The following TBC1D8 variants were observed in gnomAD, a reference collection of about 807,000 sequenced individuals.
TBC1D8 encodes the protein TBC1 domain family member 8.
A neutral mutation model predicts 118.8 loss-of-function variants in TBC1D8; 65 were observed. The observed-to-expected ratio is 0.55, with a 90% CI of 0.45 to 0.67. The LOEUF (loss-of-function observed/expected upper bound fraction) is 0.67, where lower values mean the gene tolerates loss of function less well. Among genes scored for constraint, TBC1D8 ranks in the 30% least tolerant of loss-of-function variants. The probability of loss-of-function intolerance (pLI) is 0.00; values close to 1 mark genes in which losing one functional copy is unlikely to be tolerated. For synonymous variants in TBC1D8, 566 were observed against 595.8 expected (o/e 0.95, Z 0.73); for missense variants, 1,376 against 1,471.2 (o/e 0.94, Z 1.06).
chr2:101,007,760 A>G lies in TBC1D8; in HGVS notation c.*61T>C, dbSNP rs927832157. 28 of 1,532,928 alleles carry G rather than the reference A, an allele frequency of 1.8e-5. No individual in the cohort carries two copies. The highest frequency in any genetic ancestry group is 8.8e-5 in the Admixed American group (5 of 56,978). The allele number at this position is 1,532,928 out of a possible 1,614,324, so 95.0% of individuals were successfully genotyped here. A position where few individuals can be genotyped will look rare whatever the true frequency, so the allele number is the denominator to read the frequency against. Reference sequence around the variant, plus strand: ...ATCTCGGTTTAGGGCTGACCCCAAGAAACAGTCTGGTTCGTGCTTTGGTAT... The same window carrying G: ...ATCTCGGTTTAGGGCTGACCCCAAGGAACAGTCTGGTTCGTGCTTTGGTAT... On this transcript the variant is annotated 3_prime_UTR_variant, in exon 20 of 20. Coordinates refer to ENST00000409318, the MANE Select transcript of TBC1D8 (RefSeq NM_001330348.2).
chr2:101,012,500 A>G (rs1679292877), intron 17 of TBC1D8, among the ~76,000 whole-genome samples: 1 of 152,190 alleles, frequency 6.6e-6, no homozygotes, highest in Admixed American at 6.5e-5. Context: ...ACAGAAACAG[A>G]AAGCTGCCTA....
intron 19 of TBC1D8, among the ~76,000 whole-genome samples, chr2:101,009,483 T>G (rs1004349934): frequency 6.6e-6 from 1 of 152,036 alleles, no homozygotes; most frequent in Non-Finnish European, 1.5e-5. Flanking sequence ...TCCATGGTTA[T>G]TCTGAAAGGA....
At chr2:101,126,477 C>A (rs1284061377) in intron 1 of TBC1D8, among the ~76,000 whole-genome samples, 1 of 152,130 alleles carries the variant, frequency 6.6e-6, no homozygotes, top group East Asian at 1.9e-4. Flanking sequence ...GGTGACTAAC[C>A]AGCATCACAG....
At chr2:101,042,007 AC>A (rs1223504055) in intron 5 of TBC1D8, among the ~76,000 whole-genome samples, 2 of 151,946 alleles carry the variant, frequency 1.3e-5, no homozygotes, top group African/African-American at 4.8e-5. Flanking sequence ...CCTGGGCGAC[AC>A]AGTGAGACCC....
intron 1 of TBC1D8, among the ~76,000 whole-genome samples, chr2:101,129,734 T>C (rs1678505237): frequency 6.6e-6 from 1 of 151,492 alleles, no homozygotes. Context: ...TGAAACCCCA[T>C]CTCTACTAAA....
In TBC1D8 at chr2:101,079,908, G is replaced by A. The variant is rs560438135; in HGVS notation, c.283+10301C>T. Among the ~76,000 whole-genome samples, 6 of 151,828 alleles carry A rather than the reference G, an allele frequency of 4.0e-5. No individual in the cohort carries two copies. The South Asian group carries it at 8.3e-4, about 21-fold the overall frequency. On this transcript the variant is annotated intron_variant, in intron 2 of 19. Coordinates refer to ENST00000409318, the MANE Select transcript of TBC1D8 (RefSeq NM_001330348.2). Reference sequence around the variant, plus strand: ...TCACTGTGTTAGCTAGGACGGTCTCGATCTCCTGACCTCATGATCCGCCTG... The same window carrying A: ...TCACTGTGTTAGCTAGGACGGTCTCAATCTCCTGACCTCATGATCCGCCTG...
rs557598218 is a variant in TBC1D8 at position 101,076,915 on chromosome 2, C to T, written c.283+13294G>A. ...TTCTGCAGAAGCATGGCAACTTCTG[C>T]TTCTGGGGAGCCTCAGGAAGCTTCC... On this transcript the variant is annotated intron_variant, in intron 2 of 19. Coordinates refer to ENST00000409318, the MANE Select transcript of TBC1D8 (RefSeq NM_001330348.2). Among the ~76,000 whole-genome samples, 14 of 152,320 alleles carry T rather than the reference C, an allele frequency of 9.2e-5. No individual in the cohort carries two copies. In the South Asian group the frequency reaches 2.9e-3, roughly 32 times the overall value.
At chr2:101,024,196 T>C (rs748147505) in intron 15 of TBC1D8, among the ~76,000 whole-genome samples, 13 of 152,148 alleles carry the variant, frequency 8.5e-5, no homozygotes, top group Non-Finnish European at 1.5e-4. Flanking sequence ...GCAAAGGATA[T>C]GAACAGGTGA....
At chr2:101,081,924 A>C (rs1016265110) in intron 2 of TBC1D8, among the ~76,000 whole-genome samples, 2 of 152,190 alleles carry the variant, frequency 1.3e-5, no homozygotes, top group African/African-American at 4.8e-5. Context: ...GGATCATTTG[A>C]GGTCAGAAGT....
chr2:101,029,509 G>A lies in TBC1D8; in HGVS notation c.2204C>T (p.Ala735Val), dbSNP rs1447061102. 3 of 1,613,406 alleles carry A rather than the reference G, an allele frequency of 1.9e-6. No homozygotes were observed. The highest frequency in any genetic ancestry group is 1.7e-6 in the Non-Finnish European group (2 of 1,179,626). ...GGCCCACCTGCTGAGGATCATCAAG[G>A]CCTGGCCATCATCCTTGCTGCTGCA... ...DLCSSKDDGQALMILSRFLDH... is the reference protein window; with the variant it reads ...DLCSSKDDGQVLMILSRFLDH... The change falls in exon 12 of 20, where the codon GCC (alanine) becomes GTC (valine). Residue 735 changes from alanine (A) to valine (V), a missense_variant. Physicochemically the swap from Ala to Val is moderately conservative, Grantham distance 64 (BLOSUM62 0). Transcript: ENST00000409318.
At chr2:101,136,148 G>A (rs1678846469) in intron 1 of TBC1D8, among the ~76,000 whole-genome samples, 1 of 152,208 alleles carries the variant, frequency 6.6e-6, no homozygotes, top group Non-Finnish European at 1.5e-5. Context: ...CCACTGGCCT[G>A]GCCTCACGTT....
chr2:101,117,295 C>A (rs1677861492), intron 1 of TBC1D8, among the ~76,000 whole-genome samples: 1 of 152,084 alleles, frequency 6.6e-6, no homozygotes, highest in African/African-American at 2.4e-5. Context: ...CAACTCAGGC[C>A]CTGGCTCTTT....
At position 101,151,254 on chromosome 2, in the gene TBC1D8, C is replaced by T. The variant is rs1351406205; in HGVS notation, c.-1G>A. 9 of 1,156,574 alleles carry T rather than the reference C, an allele frequency of 7.8e-6. No individual in the cohort carries two copies. The highest frequency in any genetic ancestry group is 9.7e-6 in the Non-Finnish European group (9 of 923,682). The allele number at this position is 1,156,574 out of a possible 1,614,324, so 71.6% of individuals were successfully genotyped here. ...GCACCTCCTCGGGCTTGAGCCACAT[C>T]GCGGCGGTCCGGCCGCGCCCGCCGG... On this transcript the variant is annotated 5_prime_UTR_variant, in exon 1 of 20. Coordinates refer to ENST00000409318, the MANE Select transcript of TBC1D8 (RefSeq NM_001330348.2).
chr2:101,043,762 A>G (rs927173049), intron 5 of TBC1D8, among the ~76,000 whole-genome samples: 1 of 152,086 alleles, frequency 6.6e-6, no homozygotes, highest in Admixed American at 6.5e-5. Flanking sequence ...CAACATGGTG[A>G]AACCCCGCCT....
intron 8 of TBC1D8, among the ~76,000 whole-genome samples, chr2:101,036,947 G>A (rs550097033): frequency 1.3e-5 from 2 of 152,258 alleles, no homozygotes; most frequent in South Asian, 2.1e-4. Flanking sequence ...CCATTAAAGC[G>A]ACCAAAAATA....
chr2:101,079,440 T>C lies in TBC1D8; in HGVS notation c.283+10769A>G, dbSNP rs1420382352. The stretch of plus-strand genomic sequence containing the variant: ...CATCTGTCACTCAGGCGGAGTGCCA[T>C]CATAGCTCACCGCAGCCTTGAACTC... On this transcript the variant is annotated intron_variant, in intron 2 of 19. Coordinates refer to ENST00000409318, the MANE Select transcript of TBC1D8 (RefSeq NM_001330348.2). 2.6e-5 allele frequency among the ~76,000 whole-genome samples: 4 copies of C among 152,260 alleles called. No individual in the cohort carries two copies. In the South Asian group the frequency reaches 6.2e-4, roughly 24 times the overall value.
chr2:101,129,879 TG>T (rs1395655800), intron 1 of TBC1D8, among the ~76,000 whole-genome samples: 4 of 146,924 alleles, frequency 2.7e-5, no homozygotes, highest in African/African-American at 1.0e-4. Flanking sequence ...CACTCCAGCC[TG>T]GGCAACAGGG....
At chr2:101,054,649 A>C (rs1193826182) in intron 3 of TBC1D8, among the ~76,000 whole-genome samples, 3 of 59,456 alleles carry the variant, frequency 5.0e-5, no homozygotes, top group Non-Finnish European at 1.1e-4. Context: ...GTTCTCAAAC[A>C]AACAATCATT....
At position 101,090,216 on chromosome 2, in the gene TBC1D8, T is replaced by C; in HGVS notation, c.276A>G (p.Ile92Met). 6.2e-7 allele frequency: 1 copy of C among 1,613,254 alleles called. No homozygotes were observed. The highest frequency in any genetic ancestry group is 8.5e-7 in the Non-Finnish European group (1 of 1,179,516). The change falls in exon 2 of 20, where the codon ATA becomes ATG. Residue 92 changes from isoleucine to methionine, a missense_variant. Physicochemically the swap from Ile to Met is conservative, Grantham distance 10 (BLOSUM62 1). Coordinates refer to ENST00000409318, the MANE Select transcript of TBC1D8 (RefSeq NM_001330348.2). Reference sequence around the variant, plus strand: ...AACTGGAACAAAACTCACCAGTGGCTATGGCCCAGTAAACGTCTGATCCAT... The same window carrying C: ...AACTGGAACAAAACTCACCAGTGGCCATGGCCCAGTAAACGTCTGATCCAT... ...LLNGSDVYWA[I>M]ATGATLEEIN...
Sources: gnomAD v4.1 joint callset for allele counts (sites outside exome capture counted in the v4.1 genomes callset) on GRCh38, gnomAD v4.1.1 for gene constraint, MANE v1.5 for transcripts, NCBI Gene and HGNC (gene_info 2026-07-23, HGNC 2026-07-21) for gene names.